SDHC: variants seen among roughly 807,000 people sequenced by gnomAD.
SDHC encodes succinate dehydrogenase cytochrome b560 subunit, mitochondrial.
In SDHC, 11 loss-of-function variants were observed where a neutral mutation model predicts 22.6. That is an observed-to-expected ratio of 0.49 (90% CI 0.31 to 0.81). The LOEUF is 0.81. SDHC is among the 30% of genes least tolerant of loss of function. The pLI is 0.05. For synonymous variants in SDHC, 80 were observed against 77.8 expected, an observed-to-expected ratio of 1.03 and a Z score of -0.15; for missense variants, 160 against 212.0, an observed-to-expected ratio of 0.75 and a Z score of 1.52.
At position 161,362,436 on chromosome 1, in the gene SDHC, A is replaced by G. The variant is rs763357013; in HGVS notation, c.*3A>G. 5.0e-6 allele frequency: 8 copies of G among 1,613,162 alleles called. No individual in the cohort carries two copies. The Admixed American group carries it at 1.3e-4, about 27-fold the overall frequency. ...CTATGGGGCTGGCAGCCATGTGAAGAAAGGAGGCTCCCAGCATCATCTTCC... is the reference window on the plus strand; with the variant it reads ...CTATGGGGCTGGCAGCCATGTGAAGGAAGGAGGCTCCCAGCATCATCTTCC... On this transcript the variant is annotated 3_prime_UTR_variant, in exon 6 of 6. Coordinates refer to ENST00000367975, the MANE Select transcript of SDHC (RefSeq NM_003001.5).
At chr1:161,316,732 T>A (rs897099754) in intron 1 of SDHC, among the ~76,000 whole-genome samples, 10 of 151,148 alleles carry the variant, frequency 6.6e-5, no homozygotes, top group South Asian at 2.1e-4. Context: ...GAATTAAAAA[T>A]TTTTTTTTTC....
chr1:161,320,328 A>T (rs1435561192), intron 1 of SDHC, among the ~76,000 whole-genome samples: 1 of 152,182 alleles, frequency 6.6e-6, no homozygotes, highest in Non-Finnish European at 1.5e-5. Context: ...ATTATTATTC[A>T]TCATGCCATT....
At position 161,334,865 on chromosome 1, in the gene SDHC, T is replaced by A. The variant is rs143817602; in HGVS notation, c.180-5729T>A. On this transcript the variant is annotated intron_variant, in intron 3 of 5. Transcript: ENST00000367975. ...TTAAGGAGACTATTATTCTGCCTACTACAACTTCTTAATACTTGGCTGTGC... is the reference window on the plus strand; with the variant it reads ...TTAAGGAGACTATTATTCTGCCTACAACAACTTCTTAATACTTGGCTGTGC... 1.7e-3 allele frequency among the ~76,000 whole-genome samples: 260 copies of A among 152,340 alleles called. 3 individuals are homozygous for A. The highest frequency in any genetic ancestry group is 7.2e-3 in the South Asian group (35 of 4,834).
At position 161,362,301 on chromosome 1, in the gene SDHC, CTTT is replaced by C. The variant is rs34744926; in HGVS notation, c.406-16_406-14del. 3.9e-4 allele frequency: 583 copies of C among 1,488,286 alleles called. No individual in the cohort carries two copies. Among genetic ancestry groups the C allele is most frequent in the Admixed American group, 9.7e-4 (53 of 54,660 alleles). 92.2% of individuals were successfully genotyped at this position (1,488,286 alleles called of 1,614,324 possible). A position where few individuals can be genotyped will look rare whatever the true frequency, so the allele number is the denominator to read the frequency against. ...GTTAATGTCCTATTTACTGAAATTCCTTTTTTTTTTTTTTGCTTTGTCCACAGA... is the reference window on the plus strand; with the variant it reads ...GTTAATGTCCTATTTACTGAAATTCCTTTTTTTTTTTGCTTTGTCCACAGA... On this transcript the variant is annotated intron_variant, in intron 5 of 5. Transcript: ENST00000367975.
chr1:161,351,953 T>TG (rs1441289033), intron 4 of SDHC, among the ~76,000 whole-genome samples: 2 of 152,218 alleles, frequency 1.3e-5, no homozygotes, highest in African/African-American at 4.8e-5. Flanking sequence ...CAATAGGACT[T>TG]GCTGACAGTC....
chr1:161,359,427 G>T (rs530190747), intron 5 of SDHC, among the ~76,000 whole-genome samples: 1 of 152,334 alleles, frequency 6.6e-6, no homozygotes, highest in East Asian at 1.9e-4. Flanking sequence ...ACTTCCCTGA[G>T]GGGGAGGCAG....
intron 5 of SDHC, among the ~76,000 whole-genome samples, chr1:161,359,401 T>C (rs994109165): frequency 3.3e-5 from 5 of 152,224 alleles, no homozygotes; most frequent in African/African-American, 1.2e-4. Context: ...TTCAGTTTGA[T>C]TTAAAATGAC....
chr1:161,324,759 C>A (rs963998920), intron 2 of SDHC, among the ~76,000 whole-genome samples: 1 of 152,074 alleles, frequency 6.6e-6, no homozygotes, highest in Non-Finnish European at 1.5e-5. Flanking sequence ...CTAAATATTT[C>A]TTCTAAGAAC....
intron 5 of SDHC, 123 bp downstream of exon 5, chr1:161,356,963 C>T: frequency 9.9e-7 from 1 of 1,008,698 alleles, no homozygotes; most frequent in South Asian, 1.3e-5. Context: ...TGGAGTCTCG[C>T]TCTATTGCCC....
chr1:161,332,808 T>C (rs1486509350), intron 3 of SDHC, among the ~76,000 whole-genome samples: 2 of 152,038 alleles, frequency 1.3e-5, no homozygotes, highest in African/African-American at 2.4e-5. Context: ...ATTTTTGTGT[T>C]TTTAGTAGAG....
intron 1 of SDHC, among the ~76,000 whole-genome samples, chr1:161,320,162 G>A (rs1670789676): frequency 6.6e-6 from 1 of 152,170 alleles, no homozygotes; most frequent in African/African-American, 2.4e-5. Context: ...ATAGACTATA[G>A]CAATGGATTG....
At chr1:161,332,358 C>T (rs2102316727) in intron 3 of SDHC, among the ~76,000 whole-genome samples, 2 of 152,212 alleles carry the variant, frequency 1.3e-5, no homozygotes, top group South Asian at 4.1e-4. Context: ...ATCAGGTTGC[C>T]ACTTCAGTAG....
chr1:161,321,319 A>G (rs1670828706), intron 1 of SDHC, among the ~76,000 whole-genome samples: 1 of 152,246 alleles, frequency 6.6e-6, no homozygotes, highest in South Asian at 2.1e-4. Context: ...CTGTTTTCAC[A>G]TGAAAGGGAA....
intron 3 of SDHC, among the ~76,000 whole-genome samples, chr1:161,331,272 CT>C (rs969939180): frequency 8.1e-5 from 12 of 147,382 alleles, no homozygotes; most frequent in African/African-American, 1.7e-4. Context: ...AATGAATATC[CT>C]TTTTTTTTTG....
chr1:161,348,960 T>C (rs1004625819), intron 4 of SDHC, among the ~76,000 whole-genome samples: 2 of 151,910 alleles, frequency 1.3e-5, no homozygotes, highest in Admixed American at 6.6e-5. Flanking sequence ...ATAGCTGAAG[T>C]TGCAATAATG....
At chr1:161,318,308 A>G (rs1463060369) in intron 1 of SDHC, among the ~76,000 whole-genome samples, 1 of 152,086 alleles carries the variant, frequency 6.6e-6, no homozygotes, top group African/African-American at 2.4e-5. Flanking sequence ...ATGCTTGGCT[A>G]ATTAAGAATT....
intron 5 of SDHC, among the ~76,000 whole-genome samples, chr1:161,359,630 C>T (rs1672425196): frequency 6.6e-6 from 1 of 152,126 alleles, no homozygotes; most frequent in Admixed American, 6.5e-5. Flanking sequence ...GCTTTTCTGC[C>T]CTGGTTCTTG....
At chr1:161,345,299 A>G (rs1261416081) in intron 4 of SDHC, among the ~76,000 whole-genome samples, 1 of 152,100 alleles carries the variant, frequency 6.6e-6, no homozygotes, top group East Asian at 1.9e-4. Flanking sequence ...CTTATCCTTT[A>G]CATCTTAGCA....
chr1:161,362,182 G>A, intron 5 of SDHC, 147 bp from the exon 6 acceptor site: 1 of 924,098 alleles, frequency 1.1e-6, no homozygotes, highest in Non-Finnish European at 1.7e-6. Context: ...GAAGGGTAAA[G>A]GTGGGGCATA....
Sources: gnomAD v4.1 joint callset for allele counts (sites outside exome capture counted in the v4.1 genomes callset) on GRCh38, gnomAD v4.1.1 for gene constraint, MANE v1.5 for transcripts, NCBI Gene and HGNC (gene_info 2026-07-23, HGNC 2026-07-21) for gene names.